NDC1: variants seen among roughly 807,000 people sequenced by gnomAD.
NDC1 encodes the protein NDC1 transmembrane nucleoporin, also known as nucleoporin NDC1.
In NDC1, 24 loss-of-function variants were observed where a neutral mutation model predicts 89.8. That is an observed-to-expected ratio of 0.27 (90% confidence interval 0.19 to 0.38). The LOEUF is 0.38. Among genes scored for constraint, NDC1 ranks in the 10% least tolerant of loss-of-function variants. NDC1 has a pLI of 1.00. For missense variants in NDC1, 728 were observed against 797.6 expected (o/e 0.91, Z 1.05); for synonymous variants, 296 against 284.8 (o/e 1.04, Z -0.39).
chr1:53,793,703 C>T (rs757553924), intron 13 of NDC1, among the ~76,000 whole-genome samples: 1 of 151,848 alleles, frequency 6.6e-6, no homozygotes, highest in Non-Finnish European at 1.5e-5. Context: ...CAGATCCTCC[C>T]ACCTCAGCCT....
intron 9 of NDC1, among the ~76,000 whole-genome samples, chr1:53,804,254 G>A (rs1175327975): frequency 1.3e-5 from 2 of 152,032 alleles, no homozygotes; most frequent in Admixed American, 6.6e-5. Context: ...ATATATCTGC[G>A]GTGGGAAATT....
intron 5 of NDC1, among the ~76,000 whole-genome samples, chr1:53,822,786 AAAT>A (rs1304448028): frequency 6.6e-6 from 1 of 152,174 alleles, no homozygotes; most frequent in Admixed American, 6.5e-5. Context: ...ATAAATAAAT[AAAT>A]AATGATGATA....
chr1:53,804,383 T>C (rs1361639533), intron 9 of NDC1, among the ~76,000 whole-genome samples: 1 of 152,256 alleles, frequency 6.6e-6, no homozygotes, highest in Non-Finnish European at 1.5e-5. Context: ...TTGTCCCATC[T>C]GATTCCACCC....
chr1:53,838,243 G>T lies in NDC1; in HGVS notation c.19C>A (p.Arg7=), dbSNP rs1649306957. The T allele has an allele frequency of 2.0e-6, 3 of 1,536,824 alleles. No homozygotes were observed. Among genetic ancestry groups the T allele is most frequent in the African/African-American group, 2.7e-5 (2 of 72,740 alleles). Reference sequence around the variant, plus strand: ...TCCCGCGACCTGCCGGCGCAGGGCCGGCTCACGGCCGTGGCCATGGAGATG... The same window carrying T: ...TCCCGCGACCTGCCGGCGCAGGGCCTGCTCACGGCCGTGGCCATGGAGATG... MATAVS[R]PCAGRSRDIL... Residue 7 remains arginine, a synonymous_variant, in exon 1 of 18, where the codon CGG becomes AGG. Coordinates refer to ENST00000371429, the MANE Select transcript of NDC1 (RefSeq NM_018087.5).
At chr1:53,824,702 C>G (rs1648787295) in intron 5 of NDC1, among the ~76,000 whole-genome samples, 1 of 152,192 alleles carries the variant, frequency 6.6e-6, no homozygotes, top group African/African-American at 2.4e-5. Flanking sequence ...GGAATGACTC[C>G]TACCAGATTA....
At chr1:53,791,405 C>T (rs1647496894) in intron 14 of NDC1, among the ~76,000 whole-genome samples, 1 of 149,278 alleles carries the variant, frequency 6.7e-6, no homozygotes, top group Admixed American at 6.7e-5. Context: ...CACCGCACTC[C>T]AGCCTGGGCG....
At chr1:53,782,792 CCAA>C (rs1376805152) in intron 16 of NDC1, among the ~76,000 whole-genome samples, 4 of 152,228 alleles carry the variant, frequency 2.6e-5, no homozygotes, top group African/African-American at 9.6e-5. Context: ...ACAGAAATCA[CCAA>C]CATCTCCATA....
At chr1:53,804,041 T>C in intron 9 of NDC1, 32 bp from the exon 10 acceptor site, 1 of 1,473,922 alleles carries the variant, frequency 6.8e-7, no homozygotes, top group Non-Finnish European at 9.4e-7. Flanking sequence ...TATTATTTAA[T>C]TTTTTTTAAC....
intron 10 of NDC1, among the ~76,000 whole-genome samples, chr1:53,802,013 G>A (rs1025199423): frequency 6.6e-6 from 1 of 152,196 alleles, no homozygotes; most frequent in Non-Finnish European, 1.5e-5. Context: ...AAAGTGCTGG[G>A]ATTACAGACG....
intron 16 of NDC1, among the ~76,000 whole-genome samples, chr1:53,782,889 T>C (rs1236091340): frequency 6.6e-6 from 1 of 152,196 alleles, no homozygotes; most frequent in East Asian, 1.9e-4. Flanking sequence ...CACTGACAGA[T>C]CTTGTTATGT....
chr1:53,835,201 CA>C (rs1649190303), intron 2 of NDC1, among the ~76,000 whole-genome samples: 1 of 152,158 alleles, frequency 6.6e-6, no homozygotes, highest in East Asian at 1.9e-4. Flanking sequence ...AAGAGACAAA[CA>C]ATCTCAATAA....
chr1:53,832,232 C>T (rs970858142), intron 3 of NDC1, among the ~76,000 whole-genome samples: 1 of 152,152 alleles, frequency 6.6e-6, no homozygotes, highest in African/African-American at 2.4e-5. Flanking sequence ...ATTCTACTTT[C>T]TTTCTCTATG....
chr1:53,833,912 A>AC (rs1337390421), intron 2 of NDC1, among the ~76,000 whole-genome samples: 1 of 149,738 alleles, frequency 6.7e-6, no homozygotes, highest in Non-Finnish European at 1.5e-5. Context: ...TGCAGCCTCC[A>AC]CCCCCCACTC....
At chr1:53,770,169 A>C (rs1647099847) in intron 17 of NDC1, among the ~76,000 whole-genome samples, 1 of 152,188 alleles carries the variant, frequency 6.6e-6, no homozygotes, top group Admixed American at 6.5e-5. Context: ...GTGGAATTTC[A>C]TTCTCACAAT....
intron 6 of NDC1, among the ~76,000 whole-genome samples, chr1:53,811,088 A>T (rs1197408962): frequency 6.6e-6 from 1 of 152,220 alleles, no homozygotes; most frequent in Non-Finnish European, 1.5e-5. Context: ...CAAGCGAAAT[A>T]CAGGGGTAGA....
At position 53,767,700 on chromosome 1, in the gene NDC1, G is replaced by C. The variant is rs987156996; in HGVS notation, c.*270C>G. On this transcript the variant is annotated 3_prime_UTR_variant, in exon 18 of 18. Transcript: ENST00000371429. ...AAGTTATATGAGCTAGAGACATTTCGACTGCCATCAATGCTTCTGTAAAAT... is the reference window on the plus strand; with the variant it reads ...AAGTTATATGAGCTAGAGACATTTCCACTGCCATCAATGCTTCTGTAAAAT... 1 of 285,998 alleles carries C rather than the reference G, an allele frequency of 3.5e-6. No homozygotes were observed. The highest frequency in any genetic ancestry group is 2.2e-5 in the African/African-American group (1 of 45,724). 17.7% of individuals were successfully genotyped at this position (285,998 alleles called of 1,614,324 possible).
chr1:53,798,169 T>TTATTATTA (rs2100652880), intron 11 of NDC1, among the ~76,000 whole-genome samples: 1 of 146,682 alleles, frequency 6.8e-6, no homozygotes, highest in South Asian at 2.1e-4. Flanking sequence ...ATTATTATTA[T>TTATTATTA]TATTATTATT....
At chr1:53,813,493 C>G (rs1361538500) in intron 6 of NDC1, among the ~76,000 whole-genome samples, 1 of 151,972 alleles carries the variant, frequency 6.6e-6, no homozygotes, top group African/African-American at 2.4e-5. Flanking sequence ...TTATATCAGA[C>G]AAAACAAATT....
intron 5 of NDC1, among the ~76,000 whole-genome samples, chr1:53,820,545 T>A (rs950339347): frequency 8.5e-6 from 1 of 117,180 alleles, no homozygotes; most frequent in African/African-American, 5.6e-5. Context: ...AAAAAAAAAA[T>A]GTCTTTTCTT....
Sources: allele counts gnomAD v4.1 joint callset (sites outside exome capture counted in the v4.1 genomes callset), GRCh38; gene constraint gnomAD v4.1.1; transcripts MANE v1.5; gene names NCBI Gene and HGNC (gene_info 2026-07-23, HGNC 2026-07-21).